Variants in PRKAR1B observed in about 807,000 individuals in gnomAD.
PRKAR1B encodes cAMP-dependent protein kinase type I-beta regulatory subunit.
Under a neutral mutation model 46.5 loss-of-function variants are expected in PRKAR1B, and 22 were observed. The observed-to-expected ratio is 0.47, with a 90% CI of 0.34 to 0.68. The LOEUF (loss-of-function observed/expected upper bound fraction) is 0.68, where lower values mean the gene tolerates loss of function less well. PRKAR1B is among the 30% of genes least tolerant of loss of function. PRKAR1B has a pLI of 0.01. For missense variants in PRKAR1B, 445 were observed against 535.6 expected, an observed-to-expected ratio of 0.83 and a Z score of 1.67; for synonymous variants, 259 against 217.7, an observed-to-expected ratio of 1.19 and a Z score of -1.67.
intron 6 of PRKAR1B, among the ~76,000 whole-genome samples, chr7:601,224 T>C (rs575363680): frequency 3.9e-4 from 60 of 152,288 alleles, no homozygotes; most frequent in South Asian, 8.3e-4. Flanking sequence ...GGAAAACCGC[T>C]AGCCTCAGAA....
At chr7:561,415 G>GT (rs1481222710) in intron 9 of PRKAR1B, among the ~76,000 whole-genome samples, 1 of 152,214 alleles carries the variant, frequency 6.6e-6, no homozygotes, top group Non-Finnish European at 1.5e-5. Context: ...TGCAATAACT[G>GT]TTTTTTCCAC....
At chr7:589,046 A>ATGGTGGCAATGATGATGGTGGTAG (rs1780833552) in intron 7 of PRKAR1B, among the ~76,000 whole-genome samples, 3 of 151,178 alleles carry the variant, frequency 2.0e-5, no homozygotes, top group African/African-American at 7.3e-5. Context: ...GATGGTAGTG[A>ATGGTGGCAATGATGATGGTGGTAG]TGGTGGCAAT....
chr7:676,407 G>T (rs1021745704), intron 4 of PRKAR1B, among the ~76,000 whole-genome samples: 3 of 152,152 alleles, frequency 2.0e-5, no homozygotes, highest in Non-Finnish European at 4.4e-5. Context: ...GGCAGGAGCC[G>T]CAGGAAAGGT....
At chr7:551,318 C>A in intron 10 of PRKAR1B, 71 bp downstream of exon 10, 1 of 1,455,484 alleles carries the variant, frequency 6.9e-7, no homozygotes, top group Non-Finnish European at 9.4e-7. Context: ...CTCCTCACCT[C>A]CAGGCCCCTC....
intron 1 of PRKAR1B, among the ~76,000 whole-genome samples, chr7:721,955 C>T (rs1781088798): frequency 6.6e-6 from 1 of 152,056 alleles, no homozygotes; most frequent in Non-Finnish European, 1.5e-5. Context: ...AGTACTTTTC[C>T]TCCTTCTGTC....
chr7:644,159 C>G lies in PRKAR1B; in HGVS notation c.440+33070G>C, dbSNP rs1032575738. On this transcript the variant is annotated intron_variant, in intron 4 of 10. Coordinates refer to ENST00000537384, the MANE Select transcript of PRKAR1B (RefSeq NM_001164760.2). This position sits in a 1 kb window ranked among gnomAD's most constrained non-coding sequence, Gnocchi z 4.9. Reference sequence around the variant, plus strand: ...CATGCACCCCCTCCTGTGCCCTCACCTACACAGGCAGGCAGCACAGGGCAC... The same window carrying G: ...CATGCACCCCCTCCTGTGCCCTCACGTACACAGGCAGGCAGCACAGGGCAC... 2.0e-5 allele frequency among the ~76,000 whole-genome samples: 3 copies of G among 152,204 alleles called. No individual in the cohort carries two copies. Among genetic ancestry groups the G allele is most frequent in the African/African-American group, 7.2e-5 (3 of 41,450 alleles).
chr7:687,899 C>T (rs1405610871), intron 2 of PRKAR1B, among the ~76,000 whole-genome samples: 1 of 151,456 alleles, frequency 6.6e-6, no homozygotes, highest in Admixed American at 6.6e-5. Flanking sequence ...AGTTCAAGAC[C>T]AGCCTGGCCA....
intron 9 of PRKAR1B, among the ~76,000 whole-genome samples, chr7:561,496 C>T (rs1366816689): frequency 1.3e-5 from 2 of 152,208 alleles, no homozygotes; most frequent in Non-Finnish European, 2.9e-5. Context: ...GGTGACTCCT[C>T]GGAGCGCTCC....
intron 2 of PRKAR1B, among the ~76,000 whole-genome samples, chr7:692,654 C>G (rs888029736): frequency 7.2e-5 from 11 of 152,156 alleles, no homozygotes; most frequent in Non-Finnish European, 1.3e-4. Context: ...GCCCTGCAGT[C>G]GCCCGGGAGA....
chr7:709,544 G>T (rs1426214224), intron 2 of PRKAR1B, among the ~76,000 whole-genome samples: 1 of 151,916 alleles, frequency 6.6e-6, no homozygotes, highest in Non-Finnish European at 1.5e-5. Flanking sequence ...CTAATTTTTT[G>T]TATTTTTAGT....
chr7:704,257 A>T (rs1031767496), intron 2 of PRKAR1B, among the ~76,000 whole-genome samples: 3 of 152,210 alleles, frequency 2.0e-5, no homozygotes, highest in Admixed American at 6.5e-5. Flanking sequence ...CGATGAAATT[A>T]AAATCTAACT....
At chr7:587,729 C>T (rs1390157257) in intron 7 of PRKAR1B, among the ~76,000 whole-genome samples, 2 of 152,052 alleles carry the variant, frequency 1.3e-5, no homozygotes, top group East Asian at 1.9e-4. Flanking sequence ...CTGTGCAGCC[C>T]TCCTGGCTGG....
At chr7:558,494 T>C (rs1209812035) in intron 9 of PRKAR1B, among the ~76,000 whole-genome samples, 1 of 151,398 alleles carries the variant, frequency 6.6e-6, no homozygotes, top group Non-Finnish European at 1.5e-5. Flanking sequence ...GGTGGCTCAC[T>C]CCTATAATCC....
chr7:551,370 G>C lies in PRKAR1B; in HGVS notation c.973+19C>G. On this transcript the variant is annotated intron_variant, in intron 10 of 10. Transcript: ENST00000537384. ...GATGGCCACAGCCGTGCGAGGGAGG[G>C]GACGCCCACTGGACTCACCGAAGTA... 1 of 1,550,266 alleles carries C rather than the reference G, an allele frequency of 6.5e-7. No homozygotes were observed. The highest frequency in any genetic ancestry group is 8.7e-7 in the Non-Finnish European group (1 of 1,146,592).
At chr7:642,134 G>A (rs1205758977) in intron 4 of PRKAR1B, among the ~76,000 whole-genome samples, 2 of 152,172 alleles carry the variant, frequency 1.3e-5, no homozygotes, top group South Asian at 2.1e-4. Context: ...GAGCTCAAGC[G>A]ATCCACCCAC....
chr7:587,422 C>A lies in PRKAR1B; in HGVS notation c.709-2854G>T, dbSNP rs190471443. On this transcript the variant is annotated intron_variant, in intron 7 of 10. Coordinates refer to ENST00000537384, the MANE Select transcript of PRKAR1B (RefSeq NM_001164760.2). ...GAGGAGGAGAAAGTGGAGGTGAGTG[C>A]TTCGGAGGTGTGTGTCTGAAGTTAC... 1.5e-4 allele frequency among the ~76,000 whole-genome samples: 23 copies of A among 152,330 alleles called. No individual in the cohort carries two copies. The East Asian group carries it at 4.0e-3, about 27-fold the overall frequency.
chr7:726,655 C>G, intron 1 of PRKAR1B: 2 of 1,156,086 alleles, frequency 1.7e-6, no homozygotes, highest in East Asian at 3.2e-5. Context: ...ACCGGAAGTG[C>G]TGCCGTAATC....
chr7:606,324 A>G (rs1782049312), intron 5 of PRKAR1B, 85 bp from the exon 6 acceptor site: 2 of 1,282,846 alleles, frequency 1.6e-6, no homozygotes, highest in Non-Finnish European at 2.3e-6. Context: ...CTTTCGCAAC[A>G]CTGTTGCAGA....
At position 668,092 on chromosome 7, in the gene PRKAR1B, G is replaced by A. The variant is rs535952843; in HGVS notation, c.440+9137C>T. On this transcript the variant is annotated intron_variant, in intron 4 of 10. Coordinates refer to ENST00000537384, the MANE Select transcript of PRKAR1B (RefSeq NM_001164760.2). Reference sequence around the variant, plus strand: ...ATCTGTCTTGAACCTGAACTTGTACGGAGGGGTCATTAGGCCAGCAGGTGT... The same window carrying A: ...ATCTGTCTTGAACCTGAACTTGTACAGAGGGGTCATTAGGCCAGCAGGTGT... Among the ~76,000 whole-genome samples the A allele has an allele frequency of 4.5e-4, 69 of 152,274 alleles. 1 individual carries two copies. In the South Asian group the frequency reaches 7.3e-3, roughly 16 times the overall value.
Sources: gnomAD v4.1 joint callset for allele counts (sites outside exome capture counted in the v4.1 genomes callset) on GRCh38, gnomAD v4.1.1 for gene constraint, Gnocchi (gnomAD v3.1) non-coding constraint, MANE v1.5 for transcripts, NCBI Gene and HGNC (gene_info 2026-07-23, HGNC 2026-07-21) for gene names.